Variants in HFM1 observed in about 807,000 individuals in gnomAD.
HFM1 encodes the protein helicase for meiosis 1, also known as probable ATP-dependent DNA helicase HFM1.
A neutral mutation model predicts 192.1 loss-of-function variants in HFM1; 169 were observed. The ratio of observed to expected loss-of-function variants is 0.88; its 90% CI spans 0.78 to 1.00. The LOEUF (loss-of-function observed/expected upper bound fraction) is 1.00, where lower values mean the gene tolerates loss of function less well. Among genes scored for constraint, HFM1 ranks in the 50% least tolerant of loss-of-function variants. The pLI is 0.00. For synonymous variants in HFM1, 525 were observed against 537.8 expected (o/e 0.98, Z 0.33); for missense variants, 1,661 against 1,668.0 (o/e 1.00, Z 0.07).
intron 20 of HFM1, among the ~76,000 whole-genome samples, chr1:91,330,156 G>A (rs1476737799): frequency 6.6e-6 from 1 of 152,048 alleles, no homozygotes; most frequent in Non-Finnish European, 1.5e-5. Flanking sequence ...TGTTCATCTG[G>A]CAATCAGCTG....
intron 19 of HFM1, among the ~76,000 whole-genome samples, chr1:91,345,808 C>T (rs1436944031): frequency 1.3e-5 from 2 of 152,016 alleles, no homozygotes; most frequent in Admixed American, 6.6e-5. Flanking sequence ...ATCTCATGCC[C>T]GAGAAGAAAG....
Position 91,366,520 on chromosome 1 carries a change from C to T in HFM1, c.1685+8838G>A, listed in dbSNP as rs564462764. On this transcript the variant is annotated intron_variant, in intron 13 of 38. Coordinates refer to ENST00000370425, the MANE Select transcript of HFM1 (RefSeq NM_001017975.6). ...TACTTACAGCCTCTCTACCCTATAC[C>T]TACACGTTTTAAAAAAATCCCAGTT... Among the ~76,000 whole-genome samples the T allele has an allele frequency of 6.6e-5, 10 of 152,300 alleles. No homozygotes were observed. In the East Asian group the frequency reaches 1.9e-3, roughly 29 times the overall value.
chr1:91,364,632 A>ATATATATATTTT (rs753472335), intron 13 of HFM1, among the ~76,000 whole-genome samples: 6 of 66,782 alleles, frequency 9.0e-5, no homozygotes, highest in East Asian at 5.0e-4. Context: ...ATATATATAT[A>ATATATATATTTT]TTTTTTTTTT....
intron 30 of HFM1, among the ~76,000 whole-genome samples, chr1:91,286,985 T>C (rs1324457147): frequency 2.0e-5 from 3 of 152,108 alleles, no homozygotes; most frequent in African/African-American, 7.2e-5. Flanking sequence ...CGAGATTATA[T>C]CCCGCACCTG....
At chr1:91,269,756 G>T (rs281968) in intron 34 of HFM1, among the ~76,000 whole-genome samples, 2,633 of 152,124 alleles carry the variant, frequency 0.017, 36 homozygotes, top group Non-Finnish European at 0.028. Context: ...AAGAGTAGTC[G>T]GAATTTCAGC....
chr1:91,316,537 T>C, intron 25 of HFM1, 61 bp from the exon 26 acceptor site: 1 of 706,826 alleles, frequency 1.4e-6, no homozygotes, highest in Non-Finnish European at 2.2e-6. Flanking sequence ...AACATATATT[T>C]AAATATTTAA....
chr1:91,379,201 T>G lies in HFM1; in HGVS notation c.1020A>C (p.Lys340Asn), dbSNP rs1436457116. The change falls in exon 9 of 39, where the codon AAA becomes AAC. Residue 340 changes from lysine to asparagine, a missense_variant. By Grantham distance (94) the Lys-to-Asn change is moderately conservative (BLOSUM62 0). Transcript: ENST00000370425. The part of the protein sequence containing the change: ...NIKIVYMAPI[K>N]ALCSQRFDDW... ...CATCAAAACGCTGACTGCACAAGGCTTTTATTGGTGCCACTGTAACAATAT... is the reference window on the plus strand; with the variant it reads ...CATCAAAACGCTGACTGCACAAGGCGTTTATTGGTGCCACTGTAACAATAT... The G allele has an allele frequency of 6.2e-7, 1 of 1,602,968 alleles. No individual in the cohort carries two copies. The highest frequency in any genetic ancestry group is 8.5e-7 in the Non-Finnish European group (1 of 1,176,176).
rs1264582986 is a variant in HFM1, at chr1:91,323,180, C to G, written c.2447G>C (p.Cys816Ser). 10 of 1,571,878 alleles carry G rather than the reference C, an allele frequency of 6.4e-6. No homozygotes were observed. The South Asian group carries it at 1.1e-4, about 18-fold the overall frequency. The change falls in exon 22 of 39, where the codon TGC becomes TCC. Residue 816 changes from cysteine (C) to serine (S), a missense_variant. Coordinates refer to ENST00000370425, the MANE Select transcript of HFM1 (RefSeq NM_001017975.6). ...TAACTGTATATCTAGAAATTCCTTG[C>G]AGCCAGCTATCAATGTAACCTATAA... ...LSDLVTLIAG[C>S]KEFLDIQLRI...
intron 34 of HFM1, among the ~76,000 whole-genome samples, chr1:91,270,601 C>G (rs1455716647): frequency 6.6e-6 from 1 of 151,104 alleles, no homozygotes; most frequent in Non-Finnish European, 1.5e-5. Flanking sequence ...AAAAAGAATC[C>G]TTTTGCAACA....
rs113258351 is a variant in HFM1 at position 91,323,981 on chromosome 1, C to T, written c.2427+694G>A. 4.5e-3 allele frequency among the ~76,000 whole-genome samples: 692 copies of T among 152,216 alleles called. 7 individuals are homozygous for T. The highest frequency in any genetic ancestry group is 0.03 in the South Asian group (143 of 4,822). On this transcript the variant is annotated intron_variant, in intron 21 of 38. Coordinates refer to ENST00000370425, the MANE Select transcript of HFM1 (RefSeq NM_001017975.6). ...AGATATTTTAAATAAAAATGAACGGCTTAAATTTGAGAGTAAATATTTTCT... is the reference window on the plus strand; with the variant it reads ...AGATATTTTAAATAAAAATGAACGGTTTAAATTTGAGAGTAAATATTTTCT...
At chr1:91,292,722 A>C (rs1668919053) in intron 30 of HFM1, among the ~76,000 whole-genome samples, 1 of 152,084 alleles carries the variant, frequency 6.6e-6, no homozygotes, top group Non-Finnish European at 1.5e-5. Flanking sequence ...CATATGGAAC[A>C]AAAAAAGAGC....
intron 30 of HFM1, among the ~76,000 whole-genome samples, chr1:91,282,566 G>C (rs1438711582): frequency 6.6e-6 from 1 of 151,972 alleles, no homozygotes; most frequent in Non-Finnish European, 1.5e-5. Flanking sequence ...TCACCTATGA[G>C]AAAATTAATT....
chr1:91,307,484 G>A (rs1237621820), intron 30 of HFM1, among the ~76,000 whole-genome samples: 10 of 151,816 alleles, frequency 6.6e-5, no homozygotes, highest in East Asian at 1.9e-4. Context: ...ACAGGGTCTC[G>A]CTCTGTTACC....
intron 19 of HFM1, among the ~76,000 whole-genome samples, chr1:91,346,120 CT>C (rs34880496): frequency 0.32 from 48,823 of 151,916 alleles, 8,389 homozygotes; most frequent in African/African-American, 0.45. Context: ...AAAGATGTTA[CT>C]TTTTTTCTCT....
chr1:91,350,306 G>A (rs533623222), intron 18 of HFM1, among the ~76,000 whole-genome samples: 8 of 152,068 alleles, frequency 5.3e-5, no homozygotes, highest in Admixed American at 1.3e-4. Context: ...AGCTTTAGAA[G>A]CAAGATGAAA....
rs562189114 is a variant in HFM1 at position 91,328,298 on chromosome 1, G to A, written c.2336-3532C>T. Reference sequence around the variant, plus strand: ...GAGGGGGGAAAGTGGGCTTAGGACCGCCTGCCCAGGGCAACCCTGAATCAA... The same window carrying A: ...GAGGGGGGAAAGTGGGCTTAGGACCACCTGCCCAGGGCAACCCTGAATCAA... On this transcript the variant is annotated intron_variant, in intron 20 of 38. Coordinates refer to ENST00000370425, the MANE Select transcript of HFM1 (RefSeq NM_001017975.6). The A allele has an allele frequency of 7.4e-5, 90 of 1,217,568 alleles. No individual in the cohort carries two copies. In the Middle Eastern group the frequency reaches 2.2e-3, roughly 30 times the overall value. The allele number at this position is 1,217,568 out of a possible 1,614,324, so 75.4% of individuals were successfully genotyped here.
intron 13 of HFM1, among the ~76,000 whole-genome samples, chr1:91,370,238 T>C (rs1015968507): frequency 1.2e-4 from 19 of 152,134 alleles, no homozygotes; most frequent in African/African-American, 3.9e-4. Flanking sequence ...TAACGCATTT[T>C]ATGAGGCCAG....
At chr1:91,378,980 T>C in intron 9 of HFM1, 83 bp downstream of exon 9, 1 of 769,128 alleles carries the variant, frequency 1.3e-6, no homozygotes, top group Non-Finnish European at 2.0e-6. Context: ...CTAGTTTATA[T>C]TTTTTAAACT....
chr1:91,353,922 T>TA (rs771732779), intron 13 of HFM1, among the ~76,000 whole-genome samples: 28,156 of 133,040 alleles, frequency 0.21, 3,431 homozygotes, highest in South Asian at 0.36. Flanking sequence ...ACAGGAAACA[T>TA]GAAAAAAAAA....
Sources: gnomAD v4.1 joint callset for allele counts (sites outside exome capture counted in the v4.1 genomes callset) on GRCh38, gnomAD v4.1.1 for gene constraint, MANE v1.5 for transcripts, NCBI Gene and HGNC (gene_info 2026-07-23, HGNC 2026-07-21) for gene names.